RBFOX1: variants seen among roughly 807,000 people sequenced by gnomAD.
The protein encoded by RBFOX1 is RNA binding fox-1 homolog 1, also known as RNA binding protein fox-1 homolog 1.
RBFOX1 carries 8 observed loss-of-function variants against 57.7 expected under a neutral mutation model. The ratio of observed to expected loss-of-function variants is 0.14; its 90% CI spans 0.08 to 0.25. RBFOX1 has a LOEUF of 0.25. Among genes scored for constraint, RBFOX1 ranks in the 10% least tolerant of loss-of-function variants. The pLI is 1.00. For synonymous variants in RBFOX1, 326 were observed against 222.4 expected, an observed-to-expected ratio of 1.47 and a Z score of -4.15; for missense variants, 611 against 548.5, an observed-to-expected ratio of 1.11 and a Z score of -1.14.
chr16:7,180,536 G>A (rs975501652), intron 4 of RBFOX1, among the ~76,000 whole-genome samples: 2 of 152,142 alleles, frequency 1.3e-5, no homozygotes, highest in African/African-American at 4.8e-5. Flanking sequence ...TTATTGGGTA[G>A]TGCTTTATGG....
chr16:6,333,232 A>T (rs1031494790), intron 2 of RBFOX1, among the ~76,000 whole-genome samples: 17 of 152,052 alleles, frequency 1.1e-4, no homozygotes, highest in African/African-American at 4.1e-4. Context: ...TTTCATAGTG[A>T]CAGGGTTTTG....
intron 2 of RBFOX1, among the ~76,000 whole-genome samples, chr16:6,576,117 A>G (rs975633093): frequency 3.3e-5 from 5 of 152,150 alleles, no homozygotes; most frequent in African/African-American, 1.2e-4. Flanking sequence ...CACTTTTATG[A>G]TTAGCATCTA....
chr16:5,528,764 C>G (rs2044346190), intron 2 of RBFOX1, among the ~76,000 whole-genome samples: 1 of 151,938 alleles, frequency 6.6e-6, no homozygotes, highest in Non-Finnish European at 1.5e-5. Context: ...ATTCTCCTGC[C>G]TCAGCCTCCC....
At chr16:7,285,643 T>C (rs1185832593) in intron 4 of RBFOX1, among the ~76,000 whole-genome samples, 1 of 152,180 alleles carries the variant, frequency 6.6e-6, no homozygotes, top group East Asian at 1.9e-4. Context: ...ACCTGACTTT[T>C]AGGCATTGAC....
chr16:6,629,098 A>C (rs2098349448), intron 2 of RBFOX1, among the ~76,000 whole-genome samples: 1 of 152,226 alleles, frequency 6.6e-6, no homozygotes, highest in Non-Finnish European at 1.5e-5. Context: ...GAAAGAGTAC[A>C]TACTTTTGTG....
chr16:5,607,378 A>C (rs992916867), intron 3 of RBFOX1, among the ~76,000 whole-genome samples: 1 of 150,268 alleles, frequency 6.7e-6, no homozygotes, highest in African/African-American at 2.5e-5. Flanking sequence ...GCTAAGTGGC[A>C]CTCTTGACCT....
chr16:5,950,853 T>G (rs2059505596), intron 4 of RBFOX1, among the ~76,000 whole-genome samples: 2 of 151,752 alleles, frequency 1.3e-5, no homozygotes. Flanking sequence ...GTGGTCCAAG[T>G]GCCAGGAGAG....
At chr16:6,922,204 G>A (rs957331727) in intron 3 of RBFOX1, among the ~76,000 whole-genome samples, 1 of 152,112 alleles carries the variant, frequency 6.6e-6, no homozygotes, top group African/African-American at 2.4e-5. Flanking sequence ...AGTGGTTCTT[G>A]CTACAATGGA....
chr16:6,790,710 C>T (rs541248005), intron 3 of RBFOX1, among the ~76,000 whole-genome samples: 12 of 152,120 alleles, frequency 7.9e-5, no homozygotes, highest in African/African-American at 2.9e-4. Context: ...AGTCTTGGCT[C>T]TCCATCCCTC....
chr16:6,912,241 C>T lies in RBFOX1; in HGVS notation c.-15-139816C>T, dbSNP rs182591966. Among the ~76,000 whole-genome samples, 991 of 152,212 alleles carry T rather than the reference C, an allele frequency of 6.5e-3. 8 individuals are homozygous for T. Among genetic ancestry groups the T allele is most frequent in the Middle Eastern group, 6.8e-3 (2 of 294 alleles). ...GTGGAGTTTCTCAAACTTGAGGGTA[C>T]GTCAGAAGCACCTGCTGGCATTGTT... On this transcript the variant is annotated intron_variant, in intron 3 of 15. Coordinates refer to ENST00000550418, the MANE Select transcript of RBFOX1 (RefSeq NM_018723.4).
At chr16:6,386,632 C>G (rs529289097) in intron 2 of RBFOX1, among the ~76,000 whole-genome samples, 4 of 152,156 alleles carry the variant, frequency 2.6e-5, no homozygotes, top group Non-Finnish European at 5.9e-5. Context: ...ACCATTGCGT[C>G]CCAAAGAGAG....
At chr16:5,841,557 A>G (rs1035748243) in intron 3 of RBFOX1, among the ~76,000 whole-genome samples, 1 of 152,222 alleles carries the variant, frequency 6.6e-6, no homozygotes, top group East Asian at 1.9e-4. Flanking sequence ...ACAACCAAAC[A>G]TTCAGATACA....
chr16:6,861,655 A>T (rs1396683344), intron 3 of RBFOX1, among the ~76,000 whole-genome samples: 2 of 152,048 alleles, frequency 1.3e-5, no homozygotes, highest in African/African-American at 4.8e-5. Flanking sequence ...CAGACTTGGC[A>T]TGCAACCTCC....
chr16:7,472,569 C>T lies in RBFOX1; in HGVS notation c.28-45578C>T, dbSNP rs762535079. Among the ~76,000 whole-genome samples the T allele has an allele frequency of 3.9e-5, 6 of 152,180 alleles. No individual in the cohort carries two copies. In the East Asian group the frequency reaches 5.8e-4, roughly 15 times the overall value. ...TACACAGTGCAAATATACAACATAG[C>T]GTTTACTGTGAAACGACTCCTTCCA... On this transcript the variant is annotated intron_variant, in intron 4 of 15. Transcript: ENST00000550418.
intron 1 of RBFOX1, among the ~76,000 whole-genome samples, chr16:6,135,409 T>A: frequency 6.6e-6 from 1 of 152,196 alleles, no homozygotes; most frequent in Admixed American, 6.6e-5. Flanking sequence ...ATTTACATTT[T>A]GCATTTAGCT....
At chr16:7,078,499 C>T (rs1051383455) in intron 4 of RBFOX1, among the ~76,000 whole-genome samples, 1 of 151,828 alleles carries the variant, frequency 6.6e-6, no homozygotes, top group Non-Finnish European at 1.5e-5. Flanking sequence ...AGGTGCCTGC[C>T]ATCACGCCTG....
chr16:5,842,150 A>G (rs1239715927), intron 3 of RBFOX1, among the ~76,000 whole-genome samples: 1 of 152,184 alleles, frequency 6.6e-6, no homozygotes, highest in Non-Finnish European at 1.5e-5. Flanking sequence ...GCTGAAATCA[A>G]GTTTAGACTT....
At chr16:5,391,898 C>T (rs2066420315) in intron 1 of RBFOX1, among the ~76,000 whole-genome samples, 1 of 151,134 alleles carries the variant, frequency 6.6e-6, no homozygotes, top group Non-Finnish European at 1.5e-5. Context: ...TATACACACA[C>T]ACACACACAC....
intron 2 of RBFOX1, among the ~76,000 whole-genome samples, chr16:6,574,429 T>A (rs1225665558): frequency 7.4e-6 from 1 of 135,680 alleles, no homozygotes; most frequent in African/African-American, 2.9e-5. Context: ...CTTCTATTTT[T>A]TTTTTTTTTT....
Sources: allele counts gnomAD v4.1 joint callset (sites outside exome capture counted in the v4.1 genomes callset), GRCh38; gene constraint gnomAD v4.1.1; transcripts MANE v1.5; gene names NCBI Gene and HGNC (gene_info 2026-07-23, HGNC 2026-07-21).